CCSER2: variants seen among roughly 807,000 people sequenced by gnomAD.
CCSER2 encodes coiled-coil serine rich protein 2.
In CCSER2, 46 loss-of-function variants were observed where a neutral mutation model predicts 92.3. The observed-to-expected ratio is 0.50, with a 90% CI of 0.39 to 0.64. The LOEUF (loss-of-function observed/expected upper bound fraction) is 0.64, where lower values mean the gene tolerates loss of function less well. Ranked by LOEUF, CCSER2 falls within the 30% of genes least tolerant of loss-of-function variation. CCSER2 has a pLI of 0.00. For missense variants in CCSER2, 1,244 were observed against 1,238.9 expected (o/e 1.00, Z -0.06); for synonymous variants, 433 against 431.4 (o/e 1.00, Z -0.04).
intron 3 of CCSER2, among the ~76,000 whole-genome samples, chr10:84,406,538 C>T (rs78886809): frequency 0.017 from 2,532 of 152,226 alleles, 72 homozygotes; most frequent in African/African-American, 0.057. Context: ...TTCTCAAAGT[C>T]CAAGGAAGTT....
intron 9 of CCSER2, among the ~76,000 whole-genome samples, chr10:84,486,308 G>A (rs1381401323): frequency 1.3e-5 from 2 of 152,190 alleles, no homozygotes; most frequent in African/African-American, 4.8e-5. Context: ...AGATCCTTGA[G>A]GAATCACTAC....
intron 9 of CCSER2, among the ~76,000 whole-genome samples, chr10:84,496,053 TTA>T (rs887237874): frequency 8.6e-5 from 13 of 151,826 alleles, no homozygotes; most frequent in African/African-American, 1.2e-4. Context: ...TGTTTTGAGT[TTA>T]TGTCTTTATA....
chr10:84,495,448 A>G (rs1363574499), intron 9 of CCSER2, among the ~76,000 whole-genome samples: 1 of 152,192 alleles, frequency 6.6e-6, no homozygotes, highest in African/African-American at 2.4e-5. Flanking sequence ...TGGATAGAAT[A>G]TTCTGTAAGC....
intron 9 of CCSER2, among the ~76,000 whole-genome samples, chr10:84,504,973 G>A (rs935439412): frequency 6.6e-6 from 1 of 152,008 alleles, no homozygotes; most frequent in African/African-American, 2.4e-5. Context: ...CCTTCAAAAT[G>A]TACATTTGTC....
rs546657885 is a variant in CCSER2 at position 84,498,635 on chromosome 10, T to C, written c.2326-14814T>C. Among the ~76,000 whole-genome samples, 81 of 152,322 alleles carry C rather than the reference T, an allele frequency of 5.3e-4. 1 individual carries two copies. In the South Asian group the frequency reaches 0.014, roughly 26 times the overall value. ...AGATCTGTAAACACTGTTAAACTAT[T>C]ATCGTAATTTTTAATACAATATTAT... On this transcript the variant is annotated intron_variant, in intron 9 of 9. Coordinates refer to ENST00000372088, the MANE Select transcript of CCSER2 (RefSeq NM_001284240.2).
intron 9 of CCSER2, among the ~76,000 whole-genome samples, chr10:84,490,065 G>T (rs567143300): frequency 6.6e-6 from 1 of 152,058 alleles, no homozygotes; most frequent in Non-Finnish European, 1.5e-5. Flanking sequence ...TTGAATATTG[G>T]CCCCCACTCT....
chr10:84,383,477 A>AT (rs1302446041), intron 3 of CCSER2, among the ~76,000 whole-genome samples: 2 of 151,760 alleles, frequency 1.3e-5, no homozygotes, highest in East Asian at 3.9e-4. Context: ...TACCTGGCTG[A>AT]TTTTTTGTAT....
At chr10:84,424,487 G>A (rs1306121639) in intron 4 of CCSER2, among the ~76,000 whole-genome samples, 1 of 151,956 alleles carries the variant, frequency 6.6e-6, no homozygotes, top group Non-Finnish European at 1.5e-5. Flanking sequence ...TACATTTAGA[G>A]GAAATACATT....
In CCSER2 at chr10:84,464,449, CTTAT is replaced by C. The variant is rs1165184513; in HGVS notation, c.2148+438_2148+441del. ...TGAGTGAAAGTGTTTTTTTATAATTCTTATTTATGTCTATTTTTAGTTGAAGAAA... is the reference window on the plus strand; with the variant it reads ...TGAGTGAAAGTGTTTTTTTATAATTCTTATGTCTATTTTTAGTTGAAGAAA... On this transcript the variant is annotated intron_variant, in intron 7 of 9. Coordinates refer to ENST00000372088, the MANE Select transcript of CCSER2 (RefSeq NM_001284240.2). Among the ~76,000 whole-genome samples, 3 of 151,328 alleles carry C rather than the reference CTTAT, an allele frequency of 2.0e-5. No individual in the cohort carries two copies. In the East Asian group the frequency reaches 5.8e-4, roughly 29 times the overall value.
At chr10:84,442,366 A>G (rs1844623089) in intron 6 of CCSER2, among the ~76,000 whole-genome samples, 1 of 152,178 alleles carries the variant, frequency 6.6e-6, no homozygotes, top group Non-Finnish European at 1.5e-5. Flanking sequence ...AGTTGGGGAA[A>G]TTTGAACATA....
At chr10:84,358,685 T>TAC (rs568877723) in intron 1 of CCSER2, among the ~76,000 whole-genome samples, 50 of 147,812 alleles carry the variant, frequency 3.4e-4, no homozygotes, top group Middle Eastern at 3.6e-3. Flanking sequence ...TATATATATA[T>TAC]ACACACACAC....
chr10:84,367,795 C>A (rs982686846), intron 1 of CCSER2, among the ~76,000 whole-genome samples: 1 of 143,598 alleles, frequency 7.0e-6, no homozygotes, highest in African/African-American at 2.6e-5. Context: ...CCTGTTTTGT[C>A]TTTTCATCTT....
intron 5 of CCSER2, among the ~76,000 whole-genome samples, chr10:84,436,211 A>G (rs530425279): frequency 1.1e-4 from 17 of 149,852 alleles, no homozygotes; most frequent in Admixed American, 1.0e-3. Flanking sequence ...TTGTAGTCCC[A>G]GCTACTCGGG....
intron 3 of CCSER2, among the ~76,000 whole-genome samples, chr10:84,398,510 C>G (rs891927511): frequency 2.0e-5 from 3 of 152,156 alleles, no homozygotes; most frequent in Admixed American, 2.0e-4. Flanking sequence ...TGGAGACACG[C>G]CAAAATGAAA....
intron 9 of CCSER2, among the ~76,000 whole-genome samples, chr10:84,490,372 T>C (rs1265575902): frequency 6.6e-6 from 1 of 152,230 alleles, no homozygotes; most frequent in African/African-American, 2.4e-5. Flanking sequence ...CACTTTCAGG[T>C]ACACCAATCA....
chr10:84,382,432 C>G (rs570848194), intron 3 of CCSER2, among the ~76,000 whole-genome samples: 20 of 152,292 alleles, frequency 1.3e-4, no homozygotes, highest in African/African-American at 4.3e-4. Flanking sequence ...AAACTTTTAA[C>G]TGATATTTAA....
intron 5 of CCSER2, among the ~76,000 whole-genome samples, chr10:84,428,995 A>G (rs200815794): frequency 0.42 from 52,294 of 124,126 alleles, 10,964 homozygotes; most frequent in East Asian, 0.56. Flanking sequence ...GTATATATAT[A>G]TATATATATA....
chr10:84,507,102 CT>C (rs1413679491), intron 9 of CCSER2, among the ~76,000 whole-genome samples: 1 of 152,156 alleles, frequency 6.6e-6, no homozygotes, highest in African/African-American at 2.4e-5. Flanking sequence ...AAGTATAAAT[CT>C]ATTTAATGTT....
At chr10:84,444,947 A>G (rs1844817603) in intron 6 of CCSER2, among the ~76,000 whole-genome samples, 2 of 152,184 alleles carry the variant, frequency 1.3e-5, no homozygotes, top group Non-Finnish European at 1.5e-5. Flanking sequence ...TCAGAAAACT[A>G]AGACTGAAAT....
Sources: allele counts gnomAD v4.1 joint callset (sites outside exome capture counted in the v4.1 genomes callset), GRCh38; gene constraint gnomAD v4.1.1; transcripts MANE v1.5; gene names NCBI Gene and HGNC (gene_info 2026-07-23, HGNC 2026-07-21).